The following TMC1 variants were observed in gnomAD, a reference collection of about 807,000 sequenced individuals.
The protein encoded by TMC1 is transmembrane channel like 1.
TMC1 carries 84 observed loss-of-function variants against 105.8 expected under a neutral mutation model. The ratio of observed to expected loss-of-function variants is 0.79; its 90% confidence interval spans 0.67 to 0.95. TMC1 has a LOEUF of 0.95. Among genes scored for constraint, TMC1 ranks in the 40% least tolerant of loss-of-function variants. The pLI is 0.00. For synonymous variants in TMC1, 315 were observed against 311.5 expected (o/e 1.01, Z -0.12); for missense variants, 817 against 914.1 (o/e 0.89, Z 1.37).
At chr9:72,719,377 C>G (rs1388978247) in intron 8 of TMC1, among the ~76,000 whole-genome samples, 2 of 152,186 alleles carry the variant, frequency 1.3e-5, no homozygotes, top group Non-Finnish European at 2.9e-5. Context: ...GTGGCTTCTT[C>G]TACCCTTGTG....
intron 12 of TMC1, among the ~76,000 whole-genome samples, chr9:72,768,891 A>T (rs1827880695): frequency 6.6e-6 from 1 of 152,176 alleles, no homozygotes; most frequent in Non-Finnish European, 1.5e-5. Flanking sequence ...ACCCCCTCTG[A>T]AATATTCTCA....
intron 5 of TMC1, among the ~76,000 whole-genome samples, chr9:72,675,230 G>A (rs1441588862): frequency 6.6e-6 from 1 of 152,106 alleles, no homozygotes; most frequent in East Asian, 1.9e-4. Context: ...TTCTAGCTGG[G>A]TATGAGCTAC....
In TMC1 at chr9:72,766,359, G is replaced by A. The variant is rs995463134; in HGVS notation, c.742-6054G>A. ...ATGAACCCAGGAGGCGGAGCTTGCA[G>A]TGAGCCGAAATTGCGCCACTGCACT... On this transcript the variant is annotated intron_variant, in intron 12 of 23. Transcript: ENST00000297784. Among the ~76,000 whole-genome samples the A allele has an allele frequency of 5.9e-5, 9 of 151,352 alleles. No individual in the cohort carries two copies. The South Asian group carries it at 1.7e-3, about 28-fold the overall frequency.
At chr9:72,526,194 A>G (rs528959782) in intron 1 of TMC1, among the ~76,000 whole-genome samples, 3 of 152,234 alleles carry the variant, frequency 2.0e-5, no homozygotes, top group African/African-American at 7.2e-5. Flanking sequence ...TTAATTTCCT[A>G]TTGCAGTTAG....
intron 1 of TMC1, among the ~76,000 whole-genome samples, chr9:72,538,375 T>C (rs908482387): frequency 5.4e-5 from 8 of 148,168 alleles, no homozygotes; most frequent in Non-Finnish European, 1.0e-4. Context: ...GTCAAATAAA[T>C]ATATTTTGGG....
intron 1 of TMC1, among the ~76,000 whole-genome samples, chr9:72,546,687 A>G (rs911181946): frequency 6.6e-6 from 1 of 152,228 alleles, no homozygotes; most frequent in Non-Finnish European, 1.5e-5. Flanking sequence ...ATTTTAAAGC[A>G]TGCACATTTT....
intron 8 of TMC1, among the ~76,000 whole-genome samples, chr9:72,705,095 C>T (rs984221623): frequency 2.0e-5 from 3 of 152,112 alleles, no homozygotes; most frequent in African/African-American, 7.2e-5. Context: ...GGGTTTAATT[C>T]AGAGGCTGTA....
chr9:72,548,529 T>C (rs1823808509), intron 1 of TMC1, among the ~76,000 whole-genome samples: 1 of 150,208 alleles, frequency 6.7e-6, no homozygotes. Context: ...ATCACGCCAC[T>C]GCACTTCAGC....
intron 8 of TMC1, among the ~76,000 whole-genome samples, chr9:72,731,258 T>G (rs1290826971): frequency 1.3e-5 from 2 of 152,208 alleles, no homozygotes; most frequent in Admixed American, 1.3e-4. Flanking sequence ...CCTTGGAGAT[T>G]CCAGTGCAAT....
At chr9:72,694,179 A>G (rs1245373982) in intron 6 of TMC1, among the ~76,000 whole-genome samples, 1 of 152,170 alleles carries the variant, frequency 6.6e-6, no homozygotes, top group Non-Finnish European at 1.5e-5. Flanking sequence ...ATGTAATGGA[A>G]TGGTAATCTC....
intron 6 of TMC1, among the ~76,000 whole-genome samples, chr9:72,689,040 C>T (rs930837155): frequency 1.3e-5 from 2 of 152,086 alleles, no homozygotes; most frequent in Admixed American, 6.6e-5. Flanking sequence ...TTTCATAGAA[C>T]TTGTATTCAT....
intron 1 of TMC1, among the ~76,000 whole-genome samples, chr9:72,539,879 G>A (rs940280328): frequency 6.6e-6 from 1 of 152,198 alleles, no homozygotes; most frequent in South Asian, 2.1e-4. Flanking sequence ...TTGGCTCACA[G>A]TTCTGCAAGC....
intron 2 of TMC1, among the ~76,000 whole-genome samples, chr9:72,609,827 A>G (rs1460205405): frequency 2.0e-5 from 3 of 151,028 alleles, no homozygotes; most frequent in African/African-American, 4.9e-5. Context: ...ATTTCCTTCC[A>G]TCAAATTAAC....
At chr9:72,833,118 C>T (rs900781855) in intron 23 of TMC1, among the ~76,000 whole-genome samples, 123 of 151,434 alleles carry the variant, frequency 8.1e-4, no homozygotes, top group African/African-American at 2.8e-3. Flanking sequence ...ATACTCTTGC[C>T]CCAGTCTTTC....
intron 8 of TMC1, among the ~76,000 whole-genome samples, chr9:72,733,557 C>T (rs1437330239): frequency 1.3e-5 from 2 of 152,132 alleles, no homozygotes; most frequent in African/African-American, 2.4e-5. Flanking sequence ...GCTGCTTATA[C>T]AGCCGTCCAC....
chr9:72,832,623 G>A (rs962016168), intron 23 of TMC1, among the ~76,000 whole-genome samples: 1 of 152,084 alleles, frequency 6.6e-6, no homozygotes, highest in African/African-American at 2.4e-5. Context: ...AGGATGCTGG[G>A]TGTCCCCAAA....
chr9:72,674,508 T>C (rs1278534842), intron 5 of TMC1, among the ~76,000 whole-genome samples: 1 of 152,180 alleles, frequency 6.6e-6, no homozygotes, highest in Non-Finnish European at 1.5e-5. Context: ...TTATTAACTT[T>C]CCCCGTGCCC....
chr9:72,789,847 C>T (rs981789990), intron 15 of TMC1, among the ~76,000 whole-genome samples: 1 of 152,192 alleles, frequency 6.6e-6, no homozygotes, highest in Non-Finnish European at 1.5e-5. Flanking sequence ...CTGGGCTTCC[C>T]TCTGTTTTCA....
chr9:72,749,890 C>T (rs996994199), intron 10 of TMC1, among the ~76,000 whole-genome samples: 15 of 152,114 alleles, frequency 9.9e-5, no homozygotes, highest in African/African-American at 3.1e-4. Flanking sequence ...GGGTGGATCA[C>T]GAGGTCAGGA....
Sources: gnomAD v4.1 joint callset for allele counts (sites outside exome capture counted in the v4.1 genomes callset) on GRCh38, gnomAD v4.1.1 for gene constraint, MANE v1.5 for transcripts, NCBI Gene and HGNC (gene_info 2026-07-23, HGNC 2026-07-21) for gene names.